CYP19A1: variants seen among roughly 807,000 people sequenced by gnomAD.
CYP19A1 encodes the protein aromatase.
CYP19A1 carries 32 observed loss-of-function variants against 44.4 expected under a neutral mutation model. That is an observed-to-expected ratio of 0.72 (90% CI 0.54 to 0.97). The LOEUF (loss-of-function observed/expected upper bound fraction) is 0.97. Among genes scored for constraint, CYP19A1 ranks in the 50% least tolerant of loss-of-function variants. The probability of loss-of-function intolerance (pLI) is 0.00; values close to 1 mark genes in which losing one functional copy is unlikely to be tolerated. For missense variants in CYP19A1, 598 were observed against 637.8 expected (o/e 0.94, Z 0.67); for synonymous variants, 212 against 215.6 (o/e 0.98, Z 0.14).
At chr15:51,285,561 G>T (rs760592911) in intron 1 of CYP19A1, among the ~76,000 whole-genome samples, 13 of 152,272 alleles carry the variant, frequency 8.5e-5, no homozygotes, top group South Asian at 2.1e-4. Context: ...AGGGCTCGGC[G>T]CATAAAACCC....
intron 1 of CYP19A1, among the ~76,000 whole-genome samples, chr15:51,298,702 C>T (rs749573408): frequency 3.3e-5 from 5 of 152,232 alleles, no homozygotes; most frequent in Non-Finnish European, 5.9e-5. Context: ...TTCTGAGGCT[C>T]CGAATTTCCT....
chr15:51,337,174 G>A (rs1421113548), intron 1 of CYP19A1, among the ~76,000 whole-genome samples: 3 of 152,176 alleles, frequency 2.0e-5, no homozygotes, highest in East Asian at 3.8e-4. Flanking sequence ...TTCCTACTTG[G>A]CACAAGTCCC....
At chr15:51,306,995 G>A (rs1010896987) in intron 1 of CYP19A1, among the ~76,000 whole-genome samples, 1 of 152,266 alleles carries the variant, frequency 6.6e-6, no homozygotes, top group Non-Finnish European at 1.5e-5. Flanking sequence ...GCAAGCCAGA[G>A]ATAATAAGTA....
intron 1 of CYP19A1, among the ~76,000 whole-genome samples, chr15:51,280,195 C>T (rs2035467934): frequency 6.9e-6 from 1 of 144,818 alleles, no homozygotes; most frequent in African/African-American, 2.6e-5. Flanking sequence ...GATCTCGGCT[C>T]ACTGCAACCT....
chr15:51,265,059 A>G (rs1386989655), intron 1 of CYP19A1, among the ~76,000 whole-genome samples: 1 of 152,244 alleles, frequency 6.6e-6, no homozygotes, highest in African/African-American at 2.4e-5. Flanking sequence ...ATCCTATTTC[A>G]TCCACTTTTC....
intron 1 of CYP19A1, 119 bp downstream of exon 1, chr15:51,338,376 C>A (rs907804608): frequency 6.6e-6 from 1 of 152,202 alleles, no homozygotes; most frequent in African/African-American, 2.4e-5. Context: ...GGATTTTCCC[C>A]CACACACCAA....
At position 51,223,593 on chromosome 15, in the gene CYP19A1, T is replaced by TCACACACACACACACACACACA. The variant is rs5812545; in HGVS notation, c.452-1090_452-1069dup. On this transcript the variant is annotated intron_variant, in intron 4 of 9. Transcript: ENST00000396402. ...CTTGCTCTCTCTCTCTCTCTCTCTC[T>TCACACACACACACACACACACA]CACACACACACACACACACACACAC... Among the ~76,000 whole-genome samples the TCACACACACACACACACACACA allele has an allele frequency of 3.9e-4, 35 of 90,200 alleles. No homozygotes were observed. The South Asian group carries it at 4.5e-3, about 12-fold the overall frequency. The allele number at this position is 90,200 out of a possible 152,430, so 59.2% of individuals were successfully genotyped here. A position where few individuals can be genotyped will look rare whatever the true frequency, so the allele number is the denominator to read the frequency against.
intron 1 of CYP19A1, among the ~76,000 whole-genome samples, chr15:51,294,782 G>A (rs2035953055): frequency 1.3e-5 from 2 of 151,948 alleles, no homozygotes; most frequent in East Asian, 3.9e-4. Flanking sequence ...TGGGAAGTGA[G>A]GAGCCCCTCT....
At chr15:51,275,064 A>G (rs1381307005) in intron 1 of CYP19A1, among the ~76,000 whole-genome samples, 1 of 151,882 alleles carries the variant, frequency 6.6e-6, no homozygotes, top group African/African-American at 2.4e-5. Context: ...TTTGGCTTCC[A>G]CTCTGCTTGT....
chr15:51,289,370 C>T (rs750883427), intron 1 of CYP19A1, among the ~76,000 whole-genome samples: 1 of 152,170 alleles, frequency 6.6e-6, no homozygotes, highest in Non-Finnish European at 1.5e-5. Context: ...CCATTCCCTG[C>T]ACAATTCTGG....
Position 51,209,016 on chromosome 15 carries a change from A to T in CYP19A1, c.*1792T>A, listed in dbSNP as rs1316744481. 2.0e-5 allele frequency: 3 copies of T among 152,122 alleles called. No individual in the cohort carries two copies. Among genetic ancestry groups the T allele is most frequent in the African/African-American group, 7.2e-5 (3 of 41,430 alleles). 9.4% of individuals were successfully genotyped at this position (152,122 alleles called of 1,614,324 possible). On this transcript the variant is annotated 3_prime_UTR_variant, in exon 10 of 10. Transcript: ENST00000396402. The stretch of plus-strand genomic sequence containing the variant: ...ACAGAGTGTTACTAATTTTCAAGTG[A>T]ATTAATTGGGACACATTAAATTGCA...
At chr15:51,282,590 C>T (rs1173454197) in intron 1 of CYP19A1, among the ~76,000 whole-genome samples, 3 of 152,228 alleles carry the variant, frequency 2.0e-5, no homozygotes, top group Non-Finnish European at 4.4e-5. Context: ...CGTTGGCCAC[C>T]TGGACCCACT....
intron 1 of CYP19A1, among the ~76,000 whole-genome samples, chr15:51,266,849 G>A (rs1413194808): frequency 6.6e-6 from 1 of 152,218 alleles, no homozygotes; most frequent in Non-Finnish European, 1.5e-5. Context: ...TGTCTGACTA[G>A]AGGAGCTTTC....
intron 1 of CYP19A1, among the ~76,000 whole-genome samples, chr15:51,265,515 A>G (rs2034884572): frequency 6.6e-6 from 1 of 152,118 alleles, no homozygotes; most frequent in Non-Finnish European, 1.5e-5. Flanking sequence ...TGCTCCTGTT[A>G]GGGCTCTCTG....
chr15:51,288,791 C>G (rs1007723965), intron 1 of CYP19A1, among the ~76,000 whole-genome samples: 1 of 152,214 alleles, frequency 6.6e-6, no homozygotes, highest in Non-Finnish European at 1.5e-5. Context: ...ATCCTACTGT[C>G]CATTACAGAA....
chr15:51,335,730 A>C (rs2036764703), intron 1 of CYP19A1, among the ~76,000 whole-genome samples: 1 of 152,094 alleles, frequency 6.6e-6, no homozygotes, highest in African/African-American at 2.4e-5. Flanking sequence ...TTAAAATGAA[A>C]ATCTGTCATC....
chr15:51,315,242 CAGA>C, intron 1 of CYP19A1, among the ~76,000 whole-genome samples: 1 of 152,298 alleles, frequency 6.6e-6, no homozygotes, highest in Non-Finnish European at 1.5e-5. Flanking sequence ...GCAGTCCGGT[CAGA>C]AGGTTATGCG....
chr15:51,242,708 C>A, intron 2 of CYP19A1, 60 bp downstream of exon 2: 2 of 1,134,070 alleles, frequency 1.8e-6, no homozygotes, highest in Non-Finnish European at 2.7e-6. Context: ...TCTTTACCAT[C>A]ATGGACCAAA....
intron 9 of CYP19A1, among the ~76,000 whole-genome samples, chr15:51,211,865 C>T (rs971997626): frequency 2.7e-4 from 41 of 152,144 alleles, no homozygotes; most frequent in Admixed American, 2.6e-3. Flanking sequence ...CTCATGGGGC[C>T]ATTTGATGAG....
Sources: allele counts gnomAD v4.1 joint callset (sites outside exome capture counted in the v4.1 genomes callset), GRCh38; gene constraint gnomAD v4.1.1; transcripts MANE v1.5; gene names NCBI Gene and HGNC (gene_info 2026-07-23, HGNC 2026-07-21).